The following PCDH11X variants were observed in gnomAD, a reference collection of about 807,000 sequenced individuals.
PCDH11X encodes protocadherin-11 X-linked.
Under a neutral mutation model 53.3 loss-of-function variants are expected in PCDH11X, and 18 were observed. The ratio of observed to expected loss-of-function variants is 0.34; its 90% CI spans 0.23 to 0.50. PCDH11X has a LOEUF of 0.50. Among genes scored for constraint, PCDH11X ranks in the 20% least tolerant of loss-of-function variants. The probability of loss-of-function intolerance (pLI) is 0.98; values close to 1 mark genes in which losing one functional copy is unlikely to be tolerated. For synonymous variants in PCDH11X, 279 were observed against 393.3 expected (o/e 0.71, Z 3.44); for missense variants, 570 against 1,032.4 (o/e 0.55, Z 6.14).
chrX:91,952,596 C>T (rs907060681), intron 6 of PCDH11X, among the ~76,000 whole-genome samples: 1 of 111,303 alleles, frequency 9.0e-6, no homozygotes, highest in Non-Finnish European at 1.9e-5. Context: ...CTAGGAATAA[C>T]AGTTAGTACA....
intron 10 of PCDH11X, among the ~76,000 whole-genome samples, chrX:92,573,222 T>G (rs1199340110): frequency 1.8e-5 from 2 of 111,430 alleles, no homozygotes; most frequent in Non-Finnish European, 3.8e-5. Flanking sequence ...TGGTTTTCTA[T>G]TCTGTAATAT....
In PCDH11X at chrX:91,998,118, G is replaced by A. The variant is rs897910168; in HGVS notation, c.3033+118845G>A. On this transcript the variant is annotated intron_variant, in intron 6 of 10. Coordinates refer to ENST00000682573, the MANE Select transcript of PCDH11X (RefSeq NM_032968.5). ...CCTGCTAATTTGTGTATTTTTAGTAGAGACAGGATTTCACCATGTTGGCCA... is the reference window on the plus strand; with the variant it reads ...CCTGCTAATTTGTGTATTTTTAGTAAAGACAGGATTTCACCATGTTGGCCA... 4.5e-5 allele frequency among the ~76,000 whole-genome samples: 5 copies of A among 110,493 alleles called. No homozygotes were observed. In the Admixed American group the frequency reaches 4.8e-4, roughly 11 times the overall value.
intron 7 of PCDH11X, among the ~76,000 whole-genome samples, chrX:92,217,123 G>A (rs1344202198): frequency 1.0e-3 from 111 of 110,697 alleles, no homozygotes; most frequent in African/African-American, 3.5e-3. Flanking sequence ...GACCATCGAG[G>A]CTAGGAAGAA....
At chrX:91,857,158 T>C (rs1297719383) in intron 5 of PCDH11X, among the ~76,000 whole-genome samples, 3 of 111,304 alleles carry the variant, frequency 2.7e-5, no homozygotes, top group Non-Finnish European at 5.7e-5. Flanking sequence ...GAAAGGCAGG[T>C]CTTACATGGA....
At chrX:92,301,199 A>G (rs1232388595) in intron 8 of PCDH11X, among the ~76,000 whole-genome samples, 2 of 110,364 alleles carry the variant, frequency 1.8e-5, no homozygotes, top group Non-Finnish European at 3.8e-5. Flanking sequence ...AGGAGCTATG[A>G]TGCGGGATCC....
At chrX:92,218,650 C>A (rs1157807658) in intron 7 of PCDH11X, among the ~76,000 whole-genome samples, 1 of 111,526 alleles carries the variant, frequency 9.0e-6, no homozygotes, top group Non-Finnish European at 1.9e-5. Context: ...CCTTGTGAAA[C>A]TATTCCAATC....
At chrX:92,083,829 G>C (rs1225833036) in intron 6 of PCDH11X, among the ~76,000 whole-genome samples, 3 of 111,290 alleles carry the variant, frequency 2.7e-5, no homozygotes, top group Admixed American at 9.7e-5. Context: ...GGTGGCTCTC[G>C]CCTGTAATCC....
chrX:92,504,042 A>C (rs774649198), intron 10 of PCDH11X, among the ~76,000 whole-genome samples: 551 of 34,588 alleles, frequency 0.016, 18 homozygotes, highest in African/African-American at 0.045. Context: ...ACCCAAGATC[A>C]AAAAAAAAAA....
At chrX:91,967,398 A>C (rs971814105) in intron 6 of PCDH11X, among the ~76,000 whole-genome samples, 3 of 111,461 alleles carry the variant, frequency 2.7e-5, no homozygotes, top group Non-Finnish European at 3.8e-5. Flanking sequence ...CAGCGTCATT[A>C]GATTCTCACA....
At chrX:92,135,753 A>ACGTT (rs2065071437) in intron 6 of PCDH11X, among the ~76,000 whole-genome samples, 1 of 85,902 alleles carries the variant, frequency 1.2e-5, no homozygotes, top group Admixed American at 1.5e-4. Flanking sequence ...ATGTGTGTGC[A>ACGTT]TGTTTGTGTG....
At chrX:92,357,083 T>C (rs2070227641) in intron 8 of PCDH11X, among the ~76,000 whole-genome samples, 1 of 105,366 alleles carries the variant, frequency 9.5e-6, no homozygotes, top group Non-Finnish European at 2.0e-5. Flanking sequence ...GGAATGGCCT[T>C]TTTTATTTTT....
intron 8 of PCDH11X, among the ~76,000 whole-genome samples, chrX:92,296,253 C>T (rs1460965111): frequency 9.0e-6 from 1 of 110,549 alleles, no homozygotes; most frequent in Non-Finnish European, 1.9e-5. Flanking sequence ...TTTTTCTAAA[C>T]TTTTATCTTA....
intron 1 of PCDH11X, among the ~76,000 whole-genome samples, chrX:91,808,059 A>C (rs1936176358): frequency 9.0e-6 from 1 of 111,525 alleles, no homozygotes; most frequent in African/African-American, 3.3e-5. Flanking sequence ...AACATTATTC[A>C]ATTCTTCCTT....
rs1336359538 is a variant in PCDH11X at position 91,824,037 on chromosome X, G to A, written c.-44-11424G>A. On this transcript the variant is annotated intron_variant, in intron 4 of 10. Transcript: ENST00000682573. ...TTCTGGCTTGTAGGGTTTCTGCCGA[G>A]AGATCCGCTGTTAGTCTGATGGGCT... 1.6e-4 allele frequency among the ~76,000 whole-genome samples: 18 copies of A among 111,585 alleles called. No homozygotes were observed. In the East Asian group the frequency reaches 4.8e-3, roughly 30 times the overall value.
chrX:91,828,565 A>G (rs1234442149), intron 4 of PCDH11X, among the ~76,000 whole-genome samples: 1 of 111,480 alleles, frequency 9.0e-6, no homozygotes, highest in Non-Finnish European at 1.9e-5. Context: ...TCACAGAAAT[A>G]ATATTAAAAT....
intron 8 of PCDH11X, among the ~76,000 whole-genome samples, chrX:92,351,068 G>C (rs2070033438): frequency 8.9e-6 from 1 of 111,923 alleles, no homozygotes; most frequent in Admixed American, 9.5e-5. Flanking sequence ...TCAAACTTCT[G>C]AGTAACTTCT....
intron 7 of PCDH11X, among the ~76,000 whole-genome samples, chrX:92,255,505 A>G (rs1173203661): frequency 2.2e-4 from 24 of 108,916 alleles, no homozygotes; most frequent in Non-Finnish European, 3.6e-4. Flanking sequence ...CCTTTGGAGG[A>G]GGAGAGGCGC....
intron 10 of PCDH11X, among the ~76,000 whole-genome samples, chrX:92,497,851 G>A (rs1466045171): frequency 9.0e-6 from 1 of 110,683 alleles, no homozygotes; most frequent in Non-Finnish European, 1.9e-5. Context: ...GGACTAAACA[G>A]CTGTCTTAAA....
At chrX:92,600,883 G>A (rs1164422535) in intron 10 of PCDH11X, among the ~76,000 whole-genome samples, 1 of 101,695 alleles carries the variant, frequency 9.8e-6, no homozygotes, top group Non-Finnish European at 2.0e-5. Flanking sequence ...GCATCAGTGT[G>A]ACGTGGATGT....
Sources: gnomAD v4.1 joint callset for allele counts (sites outside exome capture counted in the v4.1 genomes callset) on GRCh38, gnomAD v4.1.1 for gene constraint, MANE v1.5 for transcripts, NCBI Gene and HGNC (gene_info 2026-07-23, HGNC 2026-07-21) for gene names.